Variants in RPS6KC1 observed in about 807,000 individuals in gnomAD.
The protein encoded by RPS6KC1 is inactive ribosomal protein S6 kinase delta-1.
A neutral mutation model predicts 103.8 loss-of-function variants in RPS6KC1; 54 were observed. That is an observed-to-expected ratio of 0.52 (90% confidence interval 0.42 to 0.65). The LOEUF is 0.65. Among genes scored for constraint, RPS6KC1 ranks in the 30% least tolerant of loss-of-function variants. The probability of loss-of-function intolerance (pLI) is 0.00; values close to 1 mark genes in which losing one functional copy is unlikely to be tolerated. For missense variants in RPS6KC1, 1,151 were observed against 1,253.8 expected, an observed-to-expected ratio of 0.92 and a Z score of 1.24; for synonymous variants, 439 against 438.7, an observed-to-expected ratio of 1.00 and a Z score of -0.01.
At chr1:213,278,622 TC>T (rs1264809991), downstream of RPS6KC1, among the ~76,000 whole-genome samples, 13 of 151,822 alleles carry the variant, frequency 8.6e-5, no homozygotes, top group South Asian at 2.3e-3. Context: ...TCTCTCTTCA[TC>T]CCCTCTTCAT....
At chr1:213,560,499 G>A in the RPS6KC1 span, among the ~76,000 whole-genome samples, 23 of 152,176 alleles carry the variant, frequency 1.5e-4, no homozygotes, top group African/African-American at 4.3e-4. Context: ...CGGGGACCTC[G>A]GATATACAAT....
chr1:213,851,916 C>T, the RPS6KC1 span, among the ~76,000 whole-genome samples: 1 of 152,174 alleles, frequency 6.6e-6, no homozygotes, highest in African/African-American at 2.4e-5. Flanking sequence ...CTTCTCTCTC[C>T]CACAGTCCCT....
the RPS6KC1 span, among the ~76,000 whole-genome samples, chr1:213,838,605 A>T: frequency 6.6e-6 from 1 of 152,064 alleles, no homozygotes; most frequent in African/African-American, 2.4e-5. Flanking sequence ...ATGAAACCTT[A>T]TTTGTTTAAG....
At chr1:213,102,219 G>A (rs181587024) in intron 3 of RPS6KC1, among the ~76,000 whole-genome samples, 1 of 152,280 alleles carries the variant, frequency 6.6e-6, no homozygotes, top group Non-Finnish European at 1.5e-5. Context: ...CGTGGCAGCT[G>A]CCCAGTGATC....
chr1:213,118,592 C>T (rs2083979595), intron 5 of RPS6KC1, among the ~76,000 whole-genome samples: 1 of 151,926 alleles, frequency 6.6e-6, no homozygotes. Context: ...AAATTTCCAT[C>T]GTGATTTGGT....
At chr1:213,167,507 G>T (rs950350590) in intron 6 of RPS6KC1, among the ~76,000 whole-genome samples, 1 of 144,040 alleles carries the variant, frequency 6.9e-6, no homozygotes, top group African/African-American at 2.6e-5. Flanking sequence ...GTTGCATTTG[G>T]TCCTATTTGT....
At chr1:213,774,919 T>C in the RPS6KC1 span, among the ~76,000 whole-genome samples, 1 of 152,350 alleles carries the variant, frequency 6.6e-6, no homozygotes, top group Admixed American at 6.5e-5. Flanking sequence ...AACTCAGGCT[T>C]ATGGTCCTCT....
chr1:213,294,076 T>C, the RPS6KC1 span, among the ~76,000 whole-genome samples: 149,867 of 152,352 alleles, frequency 0.98, 73,766 homozygotes, highest in East Asian at 1. Flanking sequence ...AACAGCAGAG[T>C]ACTTTATTCA....
chr1:213,271,503 C>T (rs962705379), intron 14 of RPS6KC1, among the ~76,000 whole-genome samples: 3 of 152,108 alleles, frequency 2.0e-5, no homozygotes, highest in South Asian at 2.1e-4. Context: ...CGGTGGCTCA[C>T]GCCTGTAATC....
the RPS6KC1 span, among the ~76,000 whole-genome samples, chr1:213,327,452 A>T: frequency 6.6e-6 from 1 of 152,210 alleles, no homozygotes; most frequent in Non-Finnish European, 1.5e-5. Context: ...GCCTCCAGCC[A>T]TGGGGCCTCT....
intron 14 of RPS6KC1, among the ~76,000 whole-genome samples, chr1:213,270,205 G>A (rs2095014429): frequency 6.6e-6 from 1 of 152,132 alleles, no homozygotes; most frequent in Admixed American, 6.5e-5. Context: ...TCTAACAAAT[G>A]GCACTGGGAA....
the RPS6KC1 span, among the ~76,000 whole-genome samples, chr1:213,547,018 G>T: frequency 6.6e-6 from 1 of 152,120 alleles, no homozygotes; most frequent in East Asian, 1.9e-4. Flanking sequence ...TGATAGGTTT[G>T]CAGACTTTCC....
At chr1:213,670,267 G>A in the RPS6KC1 span, among the ~76,000 whole-genome samples, 1 of 152,292 alleles carries the variant, frequency 6.6e-6, no homozygotes, top group East Asian at 1.9e-4. Flanking sequence ...GCCAGAGGGA[G>A]GAGGCTGTGC....
the RPS6KC1 span, among the ~76,000 whole-genome samples, chr1:213,353,717 A>G: frequency 6.6e-6 from 1 of 152,220 alleles, no homozygotes; most frequent in East Asian, 1.9e-4. Context: ...TCTTATTATG[A>G]GTCAGGCGTA....
the RPS6KC1 span, among the ~76,000 whole-genome samples, chr1:213,613,172 A>G: frequency 6.6e-6 from 1 of 152,220 alleles, no homozygotes; most frequent in Non-Finnish European, 1.5e-5. Flanking sequence ...GGAAATGAAC[A>G]AAGTTGGCCT....
chr1:213,202,802 A>G (rs2093213277), intron 8 of RPS6KC1, among the ~76,000 whole-genome samples: 1 of 152,176 alleles, frequency 6.6e-6, no homozygotes, highest in African/African-American at 2.4e-5. Flanking sequence ...AAAGACAAAA[A>G]TATTTTAATT....
At chr1:213,838,886 C>T in the RPS6KC1 span, among the ~76,000 whole-genome samples, 4 of 152,190 alleles carry the variant, frequency 2.6e-5, no homozygotes, top group East Asian at 7.7e-4. Flanking sequence ...TGTTTAAAAC[C>T]ACTGGATTAG....
the RPS6KC1 span, among the ~76,000 whole-genome samples, chr1:213,799,112 T>C: frequency 6.6e-6 from 1 of 152,308 alleles, no homozygotes; most frequent in South Asian, 2.1e-4. Context: ...TCAGAATATT[T>C]TCATTAATTC....
the RPS6KC1 span, among the ~76,000 whole-genome samples, chr1:213,666,063 C>T: frequency 2.7e-4 from 41 of 152,136 alleles, no homozygotes; most frequent in Non-Finnish European, 5.0e-4. Flanking sequence ...AGCCATGACC[C>T]CCTCTCGGCA....
Sources: allele counts gnomAD v4.1 joint callset (sites outside exome capture counted in the v4.1 genomes callset), GRCh38; gene constraint gnomAD v4.1.1; transcripts MANE v1.5; gene names NCBI Gene and HGNC (gene_info 2026-07-23, HGNC 2026-07-21).